C4orf50: variants seen among roughly 807,000 people sequenced by gnomAD.
The protein encoded by C4orf50 is chromosome 4 open reading frame 50, also known as uncharacterized protein C4orf50.
A neutral mutation model predicts 77.2 loss-of-function variants in C4orf50; 80 were observed. The ratio of observed to expected loss-of-function variants is 1.04; its 90% CI spans 0.87 to 1.25. The LOEUF is 1.25. C4orf50 is among the 50% of genes most tolerant of loss of function. C4orf50 has a pLI of 0.00. For synonymous variants in C4orf50, 532 were observed against 465.3 expected (o/e 1.14, Z -1.84); for missense variants, 1,257 against 1,152.9 (o/e 1.09, Z -1.31).
In C4orf50 at chr4:5,904,518, G is replaced by T. The variant is rs1350426212; in HGVS notation, c.*2475-6330C>A. The T allele has an allele frequency of 2.0e-5, 3 of 152,378 alleles. No homozygotes were observed. In the East Asian group the frequency reaches 5.8e-4, roughly 29 times the overall value. The allele number at this position is 152,378 out of a possible 1,614,324, so 9.4% of individuals were successfully genotyped here. ...CCCCTCAGTAGGAACTCAGCCACTG[G>T]AAGACTGTGCCACACCCATTTTACA... On this transcript the variant is annotated intron_variant, in intron 7 of 7. Coordinates refer to the C4orf50 transcript ENST00000324058.
chr4:5,929,226 C>A (rs1184776993), intron 7 of C4orf50, among the ~76,000 whole-genome samples: 1 of 152,206 alleles, frequency 6.6e-6, no homozygotes, highest in Non-Finnish European at 1.5e-5. Context: ...CAGTGACCAA[C>A]CAAGAACCCC....
At chr4:5,945,803 T>C (rs925903851) in intron 7 of C4orf50, among the ~76,000 whole-genome samples, 3 of 152,172 alleles carry the variant, frequency 2.0e-5, no homozygotes, top group Non-Finnish European at 4.4e-5. Flanking sequence ...GGCCGGGGCA[T>C]CTGCCCTCTG....
At chr4:5,999,116 T>A (rs529216111) in intron 25 of C4orf50, among the ~76,000 whole-genome samples, 1 of 152,084 alleles carries the variant, frequency 6.6e-6, no homozygotes, top group African/African-American at 2.4e-5. Flanking sequence ...AGTTCATGAG[T>A]TCCTGTTTAG....
intron 7 of C4orf50, among the ~76,000 whole-genome samples, chr4:5,944,555 C>T (rs1718401657): frequency 6.6e-6 from 1 of 152,172 alleles, no homozygotes; most frequent in South Asian, 2.1e-4. Context: ...AGCTGGTGAT[C>T]ACAAGCCACA....
In C4orf50 at chr4:5,908,113, T is replaced by C. The variant is rs1212461849; in HGVS notation, c.*2475-9925A>G. 1.3e-5 allele frequency among the ~76,000 whole-genome samples: 2 copies of C among 152,240 alleles called. No homozygotes were observed. Among genetic ancestry groups the C allele is most frequent in the African/African-American group, 4.8e-5 (2 of 41,460 alleles). On this transcript the variant is annotated intron_variant, in intron 7 of 7. Transcript: ENST00000324058. This position sits in a 1 kb window ranked among gnomAD's most constrained non-coding sequence, Gnocchi z 5.6. Reference sequence around the variant, plus strand: ...TATTTGCTCATTTTTAAGTACCTACTATATGCCAGGCACTGTGTTCAAGGC... The same window carrying C: ...TATTTGCTCATTTTTAAGTACCTACCATATGCCAGGCACTGTGTTCAAGGC...
At chr4:5,937,250 G>T (rs1004366572) in intron 7 of C4orf50, among the ~76,000 whole-genome samples, 5 of 152,070 alleles carry the variant, frequency 3.3e-5, no homozygotes, top group African/African-American at 1.2e-4. Flanking sequence ...TATAAAAATA[G>T]AGTGAAAATA....
At chr4:5,912,296 T>C (rs1344817123) in intron 7 of C4orf50, among the ~76,000 whole-genome samples, 1 of 144,908 alleles carries the variant, frequency 6.9e-6, no homozygotes, top group Non-Finnish European at 1.5e-5. Context: ...TGTGTGTGTA[T>C]TTGGGGAAGA....
At chr4:5,996,012 A>AGGCTTCCCTT (rs1245916433) in intron 25 of C4orf50, among the ~76,000 whole-genome samples, 1 of 152,156 alleles carries the variant, frequency 6.6e-6, no homozygotes, top group African/African-American at 2.4e-5. Context: ...CTGATCACCC[A>AGGCTTCCCTT]GGCTTCCCTT....
chr4:5,969,825 A>C (rs556113241), intron 31 of C4orf50, among the ~76,000 whole-genome samples: 4 of 152,108 alleles, frequency 2.6e-5, no homozygotes, highest in South Asian at 2.1e-4. Context: ...CTGCAGGTGA[A>C]TCTCCCAGGG....
At chr4:5,949,985 A>C (rs1718648123) in intron 7 of C4orf50, among the ~76,000 whole-genome samples, 1 of 101,052 alleles carries the variant, frequency 9.9e-6, no homozygotes, top group African/African-American at 4.3e-5. Flanking sequence ...GTGAAACTCC[A>C]TCTCAAAAAA....
At chr4:5,971,025 C>T (rs555202126) in intron 31 of C4orf50, among the ~76,000 whole-genome samples, 19 of 152,260 alleles carry the variant, frequency 1.2e-4, no homozygotes, top group Non-Finnish European at 1.6e-4. Flanking sequence ...AGAATGGGAG[C>T]GTCTCAGGAC....
At chr4:5,943,826 C>T (rs75334416) in intron 7 of C4orf50, among the ~76,000 whole-genome samples, 2,076 of 152,302 alleles carry the variant, frequency 0.014, 27 homozygotes, top group African/African-American at 0.034. Context: ...TAAGATTAGA[C>T]TCATCGGACT....
chr4:5,945,493 G>T (rs897500102), intron 7 of C4orf50, among the ~76,000 whole-genome samples: 1 of 152,152 alleles, frequency 6.6e-6, no homozygotes, highest in Non-Finnish European at 1.5e-5. Context: ...TCGTGAATGT[G>T]AGCCTGGCAC....
intron 25 of C4orf50, among the ~76,000 whole-genome samples, chr4:6,003,437 G>A (rs910393464): frequency 6.6e-6 from 1 of 152,072 alleles, no homozygotes; most frequent in African/African-American, 2.4e-5. Context: ...AATGGTGATG[G>A]TGATAGTGAT....
chr4:5,950,086 T>A (rs1266024645), intron 7 of C4orf50, among the ~76,000 whole-genome samples: 1 of 152,196 alleles, frequency 6.6e-6, no homozygotes, highest in Admixed American at 6.5e-5. Context: ...TGGTGCTACT[T>A]TTAAATAGCA....
intron 7 of C4orf50, among the ~76,000 whole-genome samples, chr4:5,921,512 A>T (rs559502600): frequency 1.5e-4 from 23 of 152,206 alleles, no homozygotes; most frequent in Non-Finnish European, 2.2e-4. Flanking sequence ...ATGCAAAGTT[A>T]GAGTTGGCTT....
chr4:5,931,386 CAG>C (rs1717761079), intron 7 of C4orf50, among the ~76,000 whole-genome samples: 3 of 152,206 alleles, frequency 2.0e-5, no homozygotes, highest in South Asian at 2.1e-4. Flanking sequence ...TGCATTTGAA[CAG>C]AGTTTTATGG....
intron 7 of C4orf50, among the ~76,000 whole-genome samples, chr4:5,950,243 A>G (rs1718659629): frequency 6.6e-6 from 1 of 152,220 alleles, no homozygotes; most frequent in Admixed American, 6.5e-5. Context: ...GGCCACTTAG[A>G]CATTTGAACA....
chr4:5,988,594 G>A (rs1411802744), exon 28 of C4orf50: 2 of 1,536,180 alleles, frequency 1.3e-6, no homozygotes, highest in Admixed American at 2.0e-5. Flanking sequence ...CTCCTCCAAG[G>A]GTGGCCCACA....
Sources: allele counts gnomAD v4.1 joint callset (sites outside exome capture counted in the v4.1 genomes callset), GRCh38; gene constraint gnomAD v4.1.1; non-coding constraint Gnocchi (gnomAD v3.1); transcripts MANE v1.5; gene names NCBI Gene and HGNC (gene_info 2026-07-23, HGNC 2026-07-21).